The following RNLS variants were observed in gnomAD, a reference collection of about 807,000 sequenced individuals.
RNLS encodes the protein renalase, FAD dependent amine oxidase.
Under a neutral mutation model 39.8 loss-of-function variants are expected in RNLS, and 39 were observed. The observed-to-expected ratio is 0.98, with a 90% CI of 0.76 to 1.28. The LOEUF is 1.28. Ranked by LOEUF, RNLS falls within the 50% of genes most tolerant of loss-of-function variation. The probability of loss-of-function intolerance (pLI) is 0.00; values close to 1 mark genes in which losing one functional copy is unlikely to be tolerated. For missense variants in RNLS, 410 were observed against 413.3 expected (o/e 0.99, Z 0.07); for synonymous variants, 147 against 150.7 (o/e 0.98, Z 0.18).
At chr10:88,217,737 T>TAAAA in the RNLS span, among the ~76,000 whole-genome samples, 6 of 22,418 alleles carry the variant, frequency 2.7e-4, no homozygotes, top group African/African-American at 1.2e-3. Context: ...TGCCTTCAAA[T>TAAAA]GAAAAAAAAA....
chr10:88,565,751 T>C (rs1269213049), intron 4 of RNLS, among the ~76,000 whole-genome samples: 83 of 143,562 alleles, frequency 5.8e-4, no homozygotes, highest in African/African-American at 1.7e-3. Flanking sequence ...ATCTTTCTTT[T>C]TTTTTTTTTT....
chr10:88,550,379 T>C (rs1288920222), intron 4 of RNLS, among the ~76,000 whole-genome samples: 1 of 152,176 alleles, frequency 6.6e-6, no homozygotes, highest in East Asian at 1.9e-4. Flanking sequence ...ATTGAGGGAA[T>C]CTAATTTTCT....
At chr10:88,349,461 C>T (rs1485756573) in intron 5 of RNLS, among the ~76,000 whole-genome samples, 1 of 152,012 alleles carries the variant, frequency 6.6e-6, no homozygotes, top group Non-Finnish European at 1.5e-5. Flanking sequence ...TAATAAAAGT[C>T]CCCTCCCCTT....
downstream of RNLS, among the ~76,000 whole-genome samples, chr10:88,272,889 T>C (rs962188384): frequency 6.6e-6 from 1 of 152,190 alleles, no homozygotes; most frequent in African/African-American, 2.4e-5. Context: ...TGCTTTAGAA[T>C]TCCTTGGGGA....
chr10:88,581,926 T>C (rs1161899974), intron 2 of RNLS, among the ~76,000 whole-genome samples: 1 of 152,240 alleles, frequency 6.6e-6, no homozygotes, highest in African/African-American at 2.4e-5. Context: ...CCATAGGTCG[T>C]TTGCTGACTT....
chr10:88,401,597 A>G (rs1852918620), intron 4 of RNLS, among the ~76,000 whole-genome samples: 1 of 152,036 alleles, frequency 6.6e-6, no homozygotes, highest in Non-Finnish European at 1.5e-5. Flanking sequence ...TTTTATGGCT[A>G]AGGACTTGGA....
rs1291942815 is a variant in RNLS at position 88,490,991 on chromosome 10, TAA to T, written c.526+81910_526+81911del. On this transcript the variant is annotated intron_variant, in intron 4 of 6. Coordinates refer to ENST00000331772, the MANE Select transcript of RNLS (RefSeq NM_001031709.3). ...CATAGTATTCTTATAAGTTGTGTGA[TAA>T]GAGCCACGCCATGTTAATTTTTGTA... 2.6e-5 allele frequency among the ~76,000 whole-genome samples: 4 copies of T among 152,200 alleles called. No individual in the cohort carries two copies. The South Asian group carries it at 8.3e-4, about 32-fold the overall frequency.
chr10:88,403,855 G>C (rs2133657692), intron 4 of RNLS, among the ~76,000 whole-genome samples: 1 of 151,844 alleles, frequency 6.6e-6, no homozygotes. Flanking sequence ...GGCAATATAG[G>C]GAGACCCTGT....
At chr10:88,216,272 G>T in the RNLS span, among the ~76,000 whole-genome samples, 1 of 152,184 alleles carries the variant, frequency 6.6e-6, no homozygotes, top group Non-Finnish European at 1.5e-5. Context: ...TGCTCAAACT[G>T]CATTAAGCAG....
chr10:88,245,534 T>TA, the RNLS span, among the ~76,000 whole-genome samples: 1 of 152,176 alleles, frequency 6.6e-6, no homozygotes, highest in Non-Finnish European at 1.5e-5. Context: ...TTCAAAGAGT[T>TA]AAAGTATCAT....
chr10:88,259,736 A>G, the RNLS span, among the ~76,000 whole-genome samples: 1 of 152,174 alleles, frequency 6.6e-6, no homozygotes, highest in Non-Finnish European at 1.5e-5. Context: ...AATTAAAGAT[A>G]GACTTTTTTT....
At chr10:88,561,973 A>G (rs1356548612) in intron 4 of RNLS, among the ~76,000 whole-genome samples, 2 of 152,198 alleles carry the variant, frequency 1.3e-5, no homozygotes, top group African/African-American at 2.4e-5. Flanking sequence ...AAATTAATGC[A>G]AGAGCAATCA....
the RNLS span, among the ~76,000 whole-genome samples, chr10:88,199,216 G>A: frequency 1.3e-5 from 2 of 152,158 alleles, no homozygotes; most frequent in Non-Finnish European, 2.9e-5. Flanking sequence ...ACTAGTGGGA[G>A]AGGGAGACAC....
chr10:88,573,101 G>C, intron 3 of RNLS, 40 bp from the exon 4 acceptor site: 1 of 1,595,404 alleles, frequency 6.3e-7, no homozygotes, highest in East Asian at 2.2e-5. Context: ...TATCAGAATT[G>C]CATATATGAA....
intron 4 of RNLS, among the ~76,000 whole-genome samples, chr10:88,443,471 G>A (rs147626961): frequency 1.3e-5 from 2 of 152,156 alleles, no homozygotes; most frequent in East Asian, 1.9e-4. Context: ...GTGGGTGCAG[G>A]ACAGTGGGTG....
chr10:88,256,068 C>G, the RNLS span, among the ~76,000 whole-genome samples: 4 of 152,088 alleles, frequency 2.6e-5, no homozygotes, highest in Non-Finnish European at 5.9e-5. Flanking sequence ...AAAACCAGCC[C>G]GTGGGGAATA....
intron 4 of RNLS, among the ~76,000 whole-genome samples, chr10:88,563,158 G>C (rs1224498508): frequency 6.6e-6 from 1 of 152,136 alleles, no homozygotes; most frequent in East Asian, 1.9e-4. Context: ...CAGTGTAATT[G>C]AGTGTAATTC....
chr10:88,557,449 C>T (rs1324869583), intron 4 of RNLS, among the ~76,000 whole-genome samples: 1 of 152,122 alleles, frequency 6.6e-6, no homozygotes, highest in Non-Finnish European at 1.5e-5. Flanking sequence ...GGAAACAGGA[C>T]TTCAGAAGAA....
At chr10:88,318,193 C>A (rs114907064) in intron 5 of RNLS, among the ~76,000 whole-genome samples, 17 of 152,356 alleles carry the variant, frequency 1.1e-4, no homozygotes, top group African/African-American at 4.1e-4. Context: ...ACATACCCCA[C>A]AACCCATTCT....
Sources: allele counts gnomAD v4.1 joint callset (sites outside exome capture counted in the v4.1 genomes callset), GRCh38; gene constraint gnomAD v4.1.1; transcripts MANE v1.5; gene names NCBI Gene and HGNC (gene_info 2026-07-23, HGNC 2026-07-21).